Variants in SLC22A13 observed in about 807,000 individuals in gnomAD.
SLC22A13 encodes solute carrier family 22 member 13.
SLC22A13 carries 42 observed loss-of-function variants against 49.1 expected under a neutral mutation model. That is an observed-to-expected ratio of 0.85 (90% CI 0.67 to 1.11). The LOEUF is 1.11. SLC22A13 is among the 50% of genes least tolerant of loss of function. SLC22A13 has a pLI of 0.00. For synonymous variants in SLC22A13, 282 were observed against 293.1 expected, an observed-to-expected ratio of 0.96 and a Z score of 0.39; for missense variants, 694 against 712.8, an observed-to-expected ratio of 0.97 and a Z score of 0.30.
intron 1 of SLC22A13, among the ~76,000 whole-genome samples, chr3:38,266,743 C>G (rs954056987): frequency 8.5e-5 from 13 of 152,194 alleles, no homozygotes; most frequent in African/African-American, 3.1e-4. Flanking sequence ...CTCTGCCAGC[C>G]TGCCCTTGGG....
rs1703612212 is a variant in SLC22A13, at chr3:38,278,500, C to T, written c.*1035C>T. 6.6e-6 allele frequency among the ~76,000 whole-genome samples: 1 copy of T among 152,154 alleles called. No individual in the cohort carries two copies. Among genetic ancestry groups the T allele is most frequent in the Admixed American group, 6.5e-5 (1 of 15,280 alleles). ...AGCATTGCTCCTACAACCTGTCCTA[C>T]AGCTGGCAGCCCCTGACCCAACCAA... On this transcript the variant is annotated 3_prime_UTR_variant, in exon 10 of 10. Coordinates refer to ENST00000311856, the MANE Select transcript of SLC22A13 (RefSeq NM_004256.4).
rs1242036901 is a variant in SLC22A13 at position 38,275,960 on chromosome 3, C to T, written c.1101C>T (p.Leu367=). The T allele has an allele frequency of 2.5e-6, 4 of 1,614,228 alleles. No homozygotes were observed. Among genetic ancestry groups the T allele is most frequent in the South Asian group, 1.1e-5 (1 of 91,084 alleles). ...DFGLDVYLTQ[L]IFGAVEVPAR... is the part of the protein sequence containing the mutation. Reference sequence around the variant, plus strand: ...GCCTGGACGTCTATCTGACGCAGCTCATCTTTGGAGCTGTTGAGGTGCCTG... The same window carrying T: ...GCCTGGACGTCTATCTGACGCAGCTTATCTTTGGAGCTGTTGAGGTGCCTG... The change falls in exon 7 of 10, where the codon CTC becomes CTT. Residue 367 remains leucine, a synonymous_variant. Transcript: ENST00000311856.
intron 6 of SLC22A13, 97 bp from the exon 7 acceptor site, chr3:38,275,785 C>A: frequency 6.8e-7 from 1 of 1,470,476 alleles, no homozygotes; most frequent in Non-Finnish European, 9.4e-7. Context: ...CCTGGTTGTG[C>A]CAGTGTCCCC....
chr3:38,274,888 C>A, intron 3 of SLC22A13, 101 bp from the exon 4 acceptor site: 1 of 1,555,726 alleles, frequency 6.4e-7, no homozygotes, highest in South Asian at 1.2e-5. Context: ...CTGGTGCTTC[C>A]TGTGTTGGCA....
chr3:38,276,034 G>A lies in SLC22A13; in HGVS notation c.1175G>A (p.Ser392Asn). Residue 392 changes from serine to asparagine, a missense_variant, in exon 7 of 10, where the codon AGC becomes AAC. Ser to Asn is a conservative substitution (Grantham distance 46). Transcript: ENST00000311856. ...FMMQRFGRKW[S>N]QLGTLVLGGL... ...ATGCAGAGGTTTGGCCGCAAGTGGA[G>A]CCAGTTGGGGACCTTGGTCTTGGGT... The A allele has an allele frequency of 5.0e-6, 8 of 1,614,154 alleles. No individual in the cohort carries two copies. The highest frequency in any genetic ancestry group is 6.8e-6 in the Non-Finnish European group (8 of 1,180,032).
Position 38,274,674 on chromosome 3 carries a change from G to A in SLC22A13, c.553G>A (p.Val185Met), listed in dbSNP as rs759681498. Residue 185 changes from valine to methionine, a missense_variant, in exon 3 of 10, where the codon GTG becomes ATG. Transcript: ENST00000311856. ...FTLIGLATAF[V>M]PSFELYMALR... ...CCTCATCGGCCTGGCCACAGCTTTTGTGCCCAGCTTTGAGCTCTACATGGC... is the reference window on the plus strand; with the variant it reads ...CCTCATCGGCCTGGCCACAGCTTTTATGCCCAGCTTTGAGCTCTACATGGC... 3.7e-6 allele frequency: 6 copies of A among 1,614,166 alleles called. No homozygotes were observed. In the Admixed American group the frequency reaches 8.3e-5, roughly 22 times the overall value.
At chr3:38,267,008 A>G (rs1703470248) in intron 1 of SLC22A13, among the ~76,000 whole-genome samples, 1 of 152,200 alleles carries the variant, frequency 6.6e-6, no homozygotes, top group Non-Finnish European at 1.5e-5. Context: ...CTCTCATGCC[A>G]GATACCTGCT....
Position 38,275,355 on chromosome 3 carries a change from G to A in SLC22A13, c.807-15G>A, listed in dbSNP as rs377570052. 6.6e-5 allele frequency: 107 copies of A among 1,614,092 alleles called. 1 individual carries two copies. In the African/African-American group the frequency reaches 9.7e-4, roughly 15 times the overall value. The stretch of plus-strand genomic sequence containing the variant: ...GACTCCAGGCCCCAAGGTCATAGCC[G>A]TTGCTGACCCACAGGGCTCTGCCAG... On this transcript the variant is annotated splice_polypyrimidine_tract_variant and intron_variant, in intron 4 of 9. Transcript: ENST00000311856.
At position 38,275,454 on chromosome 3, in the gene SLC22A13, C is replaced by T; in HGVS notation, c.891C>T (p.Val297=). The T allele has an allele frequency of 6.2e-7, 1 of 1,614,202 alleles. No homozygotes were observed. Among genetic ancestry groups the T allele is most frequent in the Non-Finnish European group, 8.5e-7 (1 of 1,180,034 alleles). The stretch of plus-strand genomic sequence containing the variant: ...AACTGATCCAGAAGGCGGCCTCGGT[C>T]AATAGGCGGAAACTCTCCCCGGAGC... ...AIQLIQKAAS[V]NRRKLSPELM... Residue 297 remains valine, a synonymous_variant, in exon 5 of 10, where the codon GTC becomes GTT. Transcript: ENST00000311856.
At position 38,275,560 on chromosome 3, in the gene SLC22A13, T is replaced by G. The variant is rs767550267; in HGVS notation, c.928-18T>G. ...CGGATCTTCCTGCCTGGCTTCTCAC[T>G]CTGCTTCTTCCTCCCAGCTGGTCCC... On this transcript the variant is annotated intron_variant, in intron 5 of 9. Transcript: ENST00000311856. 2.6e-5 allele frequency: 42 copies of G among 1,613,896 alleles called. No individual in the cohort carries two copies. Among genetic ancestry groups the G allele is most frequent in the Non-Finnish European group, 3.5e-5 (41 of 1,179,874 alleles).
Position 38,266,256 on chromosome 3 carries a change from C to T in SLC22A13, c.378+18C>T. 1 of 1,607,116 alleles carries T rather than the reference C, an allele frequency of 6.2e-7. No individual in the cohort carries two copies. Among genetic ancestry groups the T allele is most frequent in the Non-Finnish European group, 8.5e-7 (1 of 1,175,342 alleles). On this transcript the variant is annotated intron_variant, in intron 1 of 9. Transcript: ENST00000311856. ...AGAATGAGGTAGGCTTGTCCTTTTG[C>T]TGGTCTCTCCACCGGTTGTGGGTCT...
At chr3:38,275,840 C>T in intron 6 of SLC22A13, 42 bp from the exon 7 acceptor site, 1 of 1,577,290 alleles carries the variant, frequency 6.3e-7, no homozygotes. Context: ...TGGGTGGTGT[C>T]TCGTCACCCA....
chr3:38,277,238 A>G (rs1167859982), intron 9 of SLC22A13, 111 bp downstream of exon 9: 2 of 1,108,532 alleles, frequency 1.8e-6, no homozygotes, highest in Non-Finnish European at 2.7e-6. Context: ...AGAGGCTAAT[A>G]TGGGGTCCTC....
chr3:38,276,276 C>T lies in SLC22A13; in HGVS notation c.1238-11C>T. The stretch of plus-strand genomic sequence containing the variant: ...AGGGCCCAGGTGATGGGGCTGTCTA[C>T]CCTCTGCCAGATCTGCCCGTGGTGG... On this transcript the variant is annotated splice_polypyrimidine_tract_variant and intron_variant, in intron 7 of 9. Transcript: ENST00000311856. 6.2e-7 allele frequency: 1 copy of T among 1,605,552 alleles called. No homozygotes were observed. Among genetic ancestry groups the T allele is most frequent in the Non-Finnish European group, 8.5e-7 (1 of 1,174,496 alleles).
At chr3:38,271,735 A>AT (rs2125863124) in intron 1 of SLC22A13, among the ~76,000 whole-genome samples, 1 of 152,232 alleles carries the variant, frequency 6.6e-6, no homozygotes, top group East Asian at 1.9e-4. Context: ...AATGCCTGGC[A>AT]TATTTAGGAA....
In SLC22A13 at chr3:38,274,778, A is replaced by T. The variant is rs758991016; in HGVS notation, c.637+20A>T. ...CCCTACGTGAGTGTCTGGGCCCTGG[A>T]GCCTTCAGCCATAGGGTGAGGCCCA... On this transcript the variant is annotated intron_variant, in intron 3 of 9. Coordinates refer to ENST00000311856, the MANE Select transcript of SLC22A13 (RefSeq NM_004256.4). 6.2e-7 allele frequency: 1 copy of T among 1,607,992 alleles called. No individual in the cohort carries two copies. The highest frequency in any genetic ancestry group is 2.2e-5 in the East Asian group (1 of 44,780).
In SLC22A13 at chr3:38,276,071, TATC is replaced by T; in HGVS notation, c.1222_1224del (p.Ile408del). ...CCTTGGTCTTGGGTGGCCTGATGTGTATCATCATCATCTTCATCCCAGCAGGTA... is the reference window on the plus strand; with the variant it reads ...CCTTGGTCTTGGGTGGCCTGATGTGTATCATCATCTTCATCCCAGCAGGTA... On this transcript the variant is annotated inframe_deletion, in exon 7 of 10. Transcript: ENST00000311856. 1 of 1,613,812 alleles carries T rather than the reference TATC, an allele frequency of 6.2e-7. No homozygotes were observed. Among genetic ancestry groups the T allele is most frequent in the South Asian group, 1.1e-5 (1 of 91,026 alleles).
At chr3:38,270,013 C>T (rs1399983371) in intron 1 of SLC22A13, among the ~76,000 whole-genome samples, 1 of 151,904 alleles carries the variant, frequency 6.6e-6, no homozygotes, top group African/African-American at 2.4e-5. Flanking sequence ...TGATAATTTC[C>T]AATTTCATCC....
At chr3:38,276,460 G>T in intron 8 of SLC22A13, 65 bp downstream of exon 8, 1 of 1,164,908 alleles carries the variant, frequency 8.6e-7, no homozygotes, top group Non-Finnish European at 1.3e-6. Flanking sequence ...GTCCCTCCTC[G>T]GCCCTCACCC....
Sources: gnomAD v4.1 joint callset for allele counts (sites outside exome capture counted in the v4.1 genomes callset) on GRCh38, gnomAD v4.1.1 for gene constraint, MANE v1.5 for transcripts, NCBI Gene and HGNC (gene_info 2026-07-23, HGNC 2026-07-21) for gene names.